The following PSMC6 variants were observed in gnomAD, a reference collection of about 807,000 sequenced individuals.
The protein encoded by PSMC6 is proteasome 26S subunit, ATPase 6.
PSMC6 carries 3 observed loss-of-function variants against 55.9 expected under a neutral mutation model. The ratio of observed to expected loss-of-function variants is 0.05; its 90% CI spans 0.02 to 0.14. The LOEUF (loss-of-function observed/expected upper bound fraction) is 0.14. PSMC6 is among the 10% of genes least tolerant of loss of function. PSMC6 has a pLI of 1.00. For missense variants in PSMC6, 210 were observed against 478.7 expected, an observed-to-expected ratio of 0.44 and a Z score of 5.24; for synonymous variants, 137 against 155.9, an observed-to-expected ratio of 0.88 and a Z score of 0.90.
chr14:52,726,695 G>A (rs938249954), intron 13 of PSMC6, among the ~76,000 whole-genome samples: 6 of 152,244 alleles, frequency 3.9e-5, no homozygotes, highest in Admixed American at 3.9e-4. Context: ...AGACTGGAGT[G>A]CAGTGGTGCG....
intron 1 of PSMC6, among the ~76,000 whole-genome samples, chr14:52,707,823 CT>C (rs1266080347): frequency 1.3e-5 from 2 of 152,144 alleles, no homozygotes; most frequent in Non-Finnish European, 2.9e-5. Context: ...CTCCTGAGTG[CT>C]TAACTTTTTT....
In PSMC6 at chr14:52,708,760, C is replaced by G. The variant is rs368509749; in HGVS notation, c.206-4C>G. 19 of 1,611,714 alleles carry G rather than the reference C, an allele frequency of 1.2e-5. No homozygotes were observed. In the African/African-American group the frequency reaches 2.4e-4, roughly 20 times the overall value. On this transcript the variant is annotated splice_polypyrimidine_tract_variant and splice_region_variant and intron_variant, in intron 3 of 13. Coordinates refer to ENST00000445930, the MANE Select transcript of PSMC6 (RefSeq NM_002806.5). Reference sequence around the variant, plus strand: ...AATTAGTTCTTTTATGTTTTTTCTTCTAGTCATTGTTAAAGCTACCAATGG... The same window carrying G: ...AATTAGTTCTTTTATGTTTTTTCTTGTAGTCATTGTTAAAGCTACCAATGG...
intron 1 of PSMC6, chr14:52,707,624 G>A (rs1594845749): frequency 1.1e-5 from 3 of 272,006 alleles, no homozygotes; most frequent in Non-Finnish European, 2.2e-5. Context: ...GTGGAGTCCC[G>A]GGACTTGGAG....
Position 52,712,384 on chromosome 14 carries a change from T to TAAAAAA in PSMC6, c.441+865_441+870dup, listed in dbSNP as rs35697515. Among the ~76,000 whole-genome samples the TAAAAAA allele has an allele frequency of 1.8e-4, 25 of 139,434 alleles. 2 individuals are homozygous for TAAAAAA. Among genetic ancestry groups the TAAAAAA allele is most frequent in the Admixed American group, 2.2e-4 (3 of 13,878 alleles). 91.5% of individuals were successfully genotyped at this position (139,434 alleles called of 152,430 possible). ...ACTTGAGGAAGCACTGGTCTAAGTG[T>TAAAAAA]AAAAAAAAAAGGCAGTTCTCACCTG... On this transcript the variant is annotated intron_variant, in intron 6 of 13. Transcript: ENST00000445930.
chr14:52,723,260 G>A (rs1422239610), intron 12 of PSMC6: 3 of 152,154 alleles, frequency 2.0e-5, no homozygotes, highest in East Asian at 1.9e-4. Context: ...CTGACCAAAC[G>A]GTGCATCATC....
chr14:52,719,055 G>A lies in PSMC6; in HGVS notation c.777+17G>A. Reference sequence around the variant, plus strand: ...TTAATGGAGGTAATATTTGGTAAAGGGGGTTTATAAAGAAACCAATGTTTA... The same window carrying A: ...TTAATGGAGGTAATATTTGGTAAAGAGGGTTTATAAAGAAACCAATGTTTA... On this transcript the variant is annotated intron_variant, in intron 10 of 13. Transcript: ENST00000445930. 6.3e-7 allele frequency: 1 copy of A among 1,586,612 alleles called. No homozygotes were observed. The highest frequency in any genetic ancestry group is 8.6e-7 in the Non-Finnish European group (1 of 1,156,146).
chr14:52,724,893 A>G (rs1026829429), intron 13 of PSMC6, among the ~76,000 whole-genome samples: 12 of 152,190 alleles, frequency 7.9e-5, no homozygotes, highest in Non-Finnish European at 1.5e-5. Context: ...TTTTCATATC[A>G]TGTTTAGCCT....
chr14:52,712,611 A>C (rs1232849037), intron 6 of PSMC6, among the ~76,000 whole-genome samples: 1 of 151,948 alleles, frequency 6.6e-6, no homozygotes, highest in Non-Finnish European at 1.5e-5. Context: ...CGCTTTATGC[A>C]CATATGGACA....
At chr14:52,715,448 T>A (rs2041820100) in intron 7 of PSMC6, among the ~76,000 whole-genome samples, 1 of 152,196 alleles carries the variant, frequency 6.6e-6, no homozygotes, top group African/African-American at 2.4e-5. Context: ...TGGTTTTTGG[T>A]TATTTGGCGC....
chr14:52,710,942 ATTTT>A, intron 4 of PSMC6, 155 bp from the exon 5 acceptor site: 8 of 584,674 alleles, frequency 1.4e-5, no homozygotes, highest in South Asian at 5.6e-5. Flanking sequence ...TGAATTACTT[ATTTT>A]ATAAGCCATT....
intron 1 of PSMC6, 25 bp from the exon 2 acceptor site, chr14:52,708,284 A>T (rs1176952311): frequency 6.4e-7 from 1 of 1,571,394 alleles, no homozygotes; most frequent in Admixed American, 1.7e-5. Context: ...GTTCAATTAA[A>T]AATGTTCAAA....
chr14:52,715,826 A>G (rs1366066090), intron 7 of PSMC6, among the ~76,000 whole-genome samples: 1 of 152,028 alleles, frequency 6.6e-6, no homozygotes. Context: ...CATGTTGCCC[A>G]GGCTGGTCTT....
chr14:52,720,796 A>C, intron 10 of PSMC6, 65 bp from the exon 11 acceptor site: 1 of 1,321,852 alleles, frequency 7.6e-7, no homozygotes, highest in East Asian at 2.4e-5. Flanking sequence ...TAGACATATA[A>C]AAGGTGTGTG....
At chr14:52,717,951 C>G (rs899546560) in intron 7 of PSMC6, 130 bp from the exon 8 acceptor site, 37 of 791,766 alleles carry the variant, frequency 4.7e-5, no homozygotes, top group East Asian at 4.3e-4. Flanking sequence ...TCGCTTAGGT[C>G]TGGGAGGTCA....
rs1180670937 is a variant in PSMC6, at chr14:52,718,063, T to G, written c.530-18T>G. 6.2e-7 allele frequency: 1 copy of G among 1,610,970 alleles called. No homozygotes were observed. The highest frequency in any genetic ancestry group is 8.5e-7 in the Non-Finnish European group (1 of 1,179,036). Reference sequence around the variant, plus strand: ...TTCTACCTTACCATCTAATTAAGACTTCTTTTGTCATTCTTAGGTACGGGA... The same window carrying G: ...TTCTACCTTACCATCTAATTAAGACGTCTTTTGTCATTCTTAGGTACGGGA... On this transcript the variant is annotated intron_variant, in intron 7 of 13. Coordinates refer to ENST00000445930, the MANE Select transcript of PSMC6 (RefSeq NM_002806.5).
chr14:52,709,770 G>A (rs2041746478), intron 4 of PSMC6: 2 of 249,396 alleles, frequency 8.0e-6, no homozygotes, highest in Non-Finnish European at 1.6e-5. Context: ...TATTTGTGTT[G>A]TACTGGTTGA....
intron 4 of PSMC6, chr14:52,710,081 A>C (rs1053447401): frequency 6.5e-6 from 1 of 153,148 alleles, no homozygotes; most frequent in African/African-American, 2.4e-5. Context: ...ACAAGTGGTC[A>C]GTAATTTATA....
intron 5 of PSMC6, 64 bp from the exon 6 acceptor site, chr14:52,711,346 T>G: frequency 7.2e-7 from 1 of 1,387,158 alleles, no homozygotes; most frequent in South Asian, 1.2e-5. Flanking sequence ...GTTATTTATA[T>G]GCTATCTGTA....
chr14:52,709,373 T>G (rs2041740098), intron 4 of PSMC6, among the ~76,000 whole-genome samples: 1 of 152,228 alleles, frequency 6.6e-6, no homozygotes, highest in East Asian at 1.9e-4. Flanking sequence ...TTCTTTTAAA[T>G]TCATTGGAAG....
Sources: allele counts gnomAD v4.1 joint callset (sites outside exome capture counted in the v4.1 genomes callset), GRCh38; gene constraint gnomAD v4.1.1; transcripts MANE v1.5; gene names NCBI Gene and HGNC (gene_info 2026-07-23, HGNC 2026-07-21).